Variants in SOX6 observed in about 807,000 individuals in gnomAD.
The protein encoded by SOX6 is SRY-box transcription factor 6.
In SOX6, 11 loss-of-function variants were observed where a neutral mutation model predicts 97.8. The ratio of observed to expected loss-of-function variants is 0.11; its 90% confidence interval spans 0.07 to 0.19. The LOEUF is 0.19. Ranked by LOEUF, SOX6 falls within the 10% of genes least tolerant of loss-of-function variation. The pLI, the probability that SOX6 is intolerant of heterozygous loss-of-function variation, is 1.00. For missense variants in SOX6, 810 were observed against 1,039.5 expected, an observed-to-expected ratio of 0.78 and a Z score of 3.04; for synonymous variants, 360 against 371.4, an observed-to-expected ratio of 0.97 and a Z score of 0.35.
At chr11:16,413,412 T>A (rs1026140638) in intron 1 of SOX6, among the ~76,000 whole-genome samples, 1 of 151,136 alleles carries the variant, frequency 6.6e-6, no homozygotes, top group Non-Finnish European at 1.5e-5. Context: ...CCTCAAGTAA[T>A]ATAAAAACTG....
intron 2 of SOX6, among the ~76,000 whole-genome samples, chr11:16,733,802 G>T (rs1177274134): frequency 6.6e-6 from 1 of 151,060 alleles, no homozygotes; most frequent in Non-Finnish European, 1.5e-5. Context: ...CGAGGCGGGT[G>T]GATCACAGGG....
At position 16,605,668 on chromosome 11, in the gene SOX6, C is replaced by A. The variant is rs1309710431; in HGVS notation, n.609+6413G>T. On this transcript the variant is annotated intron_variant and non_coding_transcript_variant, in intron 4 of 5. Transcript: ENST00000524520. This position sits in a 1 kb window ranked among gnomAD's most constrained non-coding sequence, Gnocchi z 5.3. The stretch of plus-strand genomic sequence containing the variant: ...GCGAGAGAGCGGCGGAGATCCTCGA[C>A]TCCCGCCCGCCCTCAACCAGTGTCA... 6.6e-6 allele frequency among the ~76,000 whole-genome samples: 1 copy of A among 151,984 alleles called. No individual in the cohort carries two copies.
chr11:16,132,335 GAAA>G (rs1323126102), intron 6 of SOX6, among the ~76,000 whole-genome samples: 81 of 65,022 alleles, frequency 1.2e-3, no homozygotes, highest in East Asian at 1.9e-3. Context: ...AGGAAGGAAA[GAAA>G]AAAGAAAGAA....
intron 4 of SOX6, among the ~76,000 whole-genome samples, chr11:16,554,373 G>A (rs559291768): frequency 3.7e-4 from 56 of 152,062 alleles, no homozygotes; most frequent in South Asian, 6.2e-4. Flanking sequence ...AATTAACTTA[G>A]GTTTTTTCCC....
chr11:16,426,740 C>G (rs1859146580), intron 1 of SOX6, among the ~76,000 whole-genome samples: 1 of 151,340 alleles, frequency 6.6e-6, no homozygotes, highest in Non-Finnish European at 1.5e-5. Context: ...CGGTGAAACC[C>G]CGTCTCTACT....
intron 1 of SOX6, among the ~76,000 whole-genome samples, chr11:16,438,999 T>C (rs969835644): frequency 6.6e-6 from 1 of 152,178 alleles, no homozygotes; most frequent in African/African-American, 2.4e-5. Flanking sequence ...CCAAAAGAAC[T>C]TTTTTCATCA....
At chr11:16,461,606 G>T (rs1829328184) in intron 1 of SOX6, among the ~76,000 whole-genome samples, 1 of 152,058 alleles carries the variant, frequency 6.6e-6, no homozygotes, top group African/African-American at 2.4e-5. Context: ...CTAGCAGGAT[G>T]CTCCTTTCTT....
chr11:16,042,273 C>T (rs898355695), intron 12 of SOX6, among the ~76,000 whole-genome samples: 2 of 152,078 alleles, frequency 1.3e-5, no homozygotes, highest in African/African-American at 4.8e-5. Flanking sequence ...GTCTAGCCAC[C>T]TCTTTTGTTT....
At chr11:16,268,878 G>A (rs1519120) in intron 3 of SOX6, among the ~76,000 whole-genome samples, 117,737 of 150,520 alleles carry the variant, frequency 0.78, 46,187 homozygotes, top group Non-Finnish European at 0.8. Context: ...TCAATTTGTA[G>A]GTTTTGTTTT....
chr11:16,120,062 CTGTT>C (rs75436054), intron 6 of SOX6, among the ~76,000 whole-genome samples: 6,759 of 151,800 alleles, frequency 0.045, 212 homozygotes, highest in South Asian at 0.088. Context: ...TTGCTTGCTT[CTGTT>C]TGTTTGTTTG....
At chr11:16,352,955 C>T (rs1856987196) in intron 1 of SOX6, among the ~76,000 whole-genome samples, 1 of 152,036 alleles carries the variant, frequency 6.6e-6, no homozygotes, top group African/African-American at 2.4e-5. Flanking sequence ...CTGAGAGGTT[C>T]ACTGCAGTTT....
At chr11:16,501,233 G>A (rs1167351391) in intron 4 of SOX6, among the ~76,000 whole-genome samples, 1 of 152,156 alleles carries the variant, frequency 6.6e-6, no homozygotes, top group African/African-American at 2.4e-5. Flanking sequence ...TTAATAAATG[G>A]TGCTGGGAAA....
chr11:16,101,040 T>C (rs866181442), intron 7 of SOX6, among the ~76,000 whole-genome samples: 7 of 151,790 alleles, frequency 4.6e-5, no homozygotes, highest in South Asian at 2.1e-4. Flanking sequence ...AAAATTATTG[T>C]GTGCCAGCAT....
rs1383407164 is a variant in SOX6 at position 15,968,156 on chromosome 11, G to A, written c.*4653C>T. The stretch of plus-strand genomic sequence containing the variant: ...ACATGTCAGGGAGCAGATGACTTAA[G>A]GAAATGATGCAAGTGCTTTTGTGAA... On this transcript the variant is annotated 3_prime_UTR_variant, in exon 16 of 16. Transcript: ENST00000683767. 4 of 152,178 alleles carry A rather than the reference G, an allele frequency of 2.6e-5. No homozygotes were observed. Among genetic ancestry groups the A allele is most frequent in the Admixed American group, 1.3e-4 (2 of 15,274 alleles). 9.4% of individuals were successfully genotyped at this position (152,178 alleles called of 1,614,324 possible).
At chr11:16,240,274 T>TTGTGTGTGTG (rs1853145529) in intron 3 of SOX6, among the ~76,000 whole-genome samples, 1 of 69,578 alleles carries the variant, frequency 1.4e-5, no homozygotes, top group African/African-American at 5.8e-5. Flanking sequence ...CTAGATAATA[T>TTGTGTGTGTG]AGTGTGTGTG....
intron 6 of SOX6, among the ~76,000 whole-genome samples, chr11:16,138,534 T>C (rs1850036005): frequency 6.6e-6 from 1 of 151,964 alleles, no homozygotes; most frequent in Admixed American, 6.6e-5. Context: ...TTGTTGTTTT[T>C]ATTTTTTTAT....
intron 2 of SOX6, among the ~76,000 whole-genome samples, chr11:16,732,597 TA>T: frequency 6.6e-6 from 1 of 152,188 alleles, no homozygotes; most frequent in Non-Finnish European, 1.5e-5. Context: ...CAAGGTGGAT[TA>T]AAGACTTACA....
chr11:16,300,890 G>T lies in SOX6; in HGVS notation c.445+17556C>A, dbSNP rs1855238103. ...CAATAATATTTATTAAGCACCATAA[G>T]ATAAGATAAGGGATCACTCTGTGAC... On this transcript the variant is annotated intron_variant, in intron 3 of 15. Transcript: ENST00000683767. The surrounding 1 kb of genome is among the most constrained non-coding windows in gnomAD (Gnocchi z 4.1). 6.6e-6 allele frequency among the ~76,000 whole-genome samples: 1 copy of T among 152,140 alleles called. No homozygotes were observed. The highest frequency in any genetic ancestry group is 2.4e-5 in the African/African-American group (1 of 41,428).
At chr11:16,526,393 A>G (rs1357468058) in intron 4 of SOX6, among the ~76,000 whole-genome samples, 1 of 151,968 alleles carries the variant, frequency 6.6e-6, no homozygotes, top group Non-Finnish European at 1.5e-5. Context: ...ACAAAAAACC[A>G]AACACCGCAT....
Sources: gnomAD v4.1 joint callset for allele counts (sites outside exome capture counted in the v4.1 genomes callset) on GRCh38, gnomAD v4.1.1 for gene constraint, Gnocchi (gnomAD v3.1) non-coding constraint, MANE v1.5 for transcripts, NCBI Gene and HGNC (gene_info 2026-07-23, HGNC 2026-07-21) for gene names.